The following PLD5 variants were observed in gnomAD, a reference collection of about 807,000 sequenced individuals.
PLD5 encodes phospholipase D family member 5.
A neutral mutation model predicts 61.1 loss-of-function variants in PLD5; 36 were observed. The observed-to-expected ratio is 0.59, with a 90% confidence interval of 0.45 to 0.78. The LOEUF (loss-of-function observed/expected upper bound fraction) is 0.78, where lower values mean the gene tolerates loss of function less well. Ranked by LOEUF, PLD5 falls within the 30% of genes least tolerant of loss-of-function variation. The pLI, the probability that PLD5 is intolerant of heterozygous loss-of-function variation, is 0.00. For missense variants in PLD5, 515 were observed against 644.4 expected, an observed-to-expected ratio of 0.80 and a Z score of 2.17; for synonymous variants, 243 against 242.8, an observed-to-expected ratio of 1.00 and a Z score of -0.01.
chr1:242,279,572 TCA>T (rs1674606645), intron 3 of PLD5, among the ~76,000 whole-genome samples: 1 of 151,924 alleles, frequency 6.6e-6, no homozygotes, highest in Admixed American at 6.6e-5. Flanking sequence ...TCTTGCTGTG[TCA>T]CCAGGCTGTA....
intron 3 of PLD5, among the ~76,000 whole-genome samples, chr1:242,269,278 A>T (rs1344953670): frequency 6.6e-6 from 1 of 152,232 alleles, no homozygotes; most frequent in Non-Finnish European, 1.5e-5. Flanking sequence ...AAAGACTATC[A>T]GTGTCTCAGG....
intron 1 of PLD5, among the ~76,000 whole-genome samples, chr1:242,450,140 C>T (rs919033108): frequency 2.6e-5 from 4 of 152,284 alleles, no homozygotes; most frequent in African/African-American, 9.6e-5. Flanking sequence ...ACTTTGGCCA[C>T]GTTTTATCGT....
intron 6 of PLD5, among the ~76,000 whole-genome samples, chr1:242,118,559 G>A (rs994836210): frequency 2.0e-5 from 3 of 152,202 alleles, no homozygotes; most frequent in Non-Finnish European, 4.4e-5. Context: ...ACATACTTAT[G>A]GAACGAATGT....
At chr1:242,099,574 T>C (rs1660529463) in intron 9 of PLD5, among the ~76,000 whole-genome samples, 1 of 152,208 alleles carries the variant, frequency 6.6e-6, no homozygotes, top group Non-Finnish European at 1.5e-5. Flanking sequence ...GTGGGTGAGA[T>C]GACTGGGGGC....
intron 5 of PLD5, among the ~76,000 whole-genome samples, chr1:242,127,464 T>G (rs542442305): frequency 5.6e-4 from 85 of 152,304 alleles, no homozygotes; most frequent in Non-Finnish European, 9.3e-4. Context: ...GTTGGAATAC[T>G]ACTCAGCCAT....
chr1:242,177,182 T>C (rs1017497141), intron 5 of PLD5, among the ~76,000 whole-genome samples: 3 of 152,304 alleles, frequency 2.0e-5, no homozygotes, highest in African/African-American at 2.4e-5. Flanking sequence ...CAGTGATTGA[T>C]AGACTGGATA....
chr1:242,413,414 C>T (rs988636320), intron 1 of PLD5, among the ~76,000 whole-genome samples: 2 of 151,936 alleles, frequency 1.3e-5, no homozygotes, highest in African/African-American at 4.8e-5. Context: ...TAAGTTCCAT[C>T]TCACAAGATG....
intron 1 of PLD5, among the ~76,000 whole-genome samples, chr1:242,475,949 C>A (rs1213209403): frequency 6.6e-6 from 1 of 152,168 alleles, no homozygotes; most frequent in Non-Finnish European, 1.5e-5. Flanking sequence ...CCTGCTGCCA[C>A]CTCAGTCTTG....
chr1:242,296,187 C>G (rs1675645420), intron 2 of PLD5, among the ~76,000 whole-genome samples: 1 of 152,156 alleles, frequency 6.6e-6, no homozygotes, highest in Non-Finnish European at 1.5e-5. Flanking sequence ...ATGTTGGTTG[C>G]TGATATGTCT....
At chr1:242,496,035 C>T (rs1160638766) in intron 1 of PLD5, among the ~76,000 whole-genome samples, 1 of 152,152 alleles carries the variant, frequency 6.6e-6, no homozygotes, top group Non-Finnish European at 1.5e-5. Flanking sequence ...TCAAATGTTC[C>T]CTTTTGCTTT....
chr1:242,397,400 TAC>T (rs777370831), intron 1 of PLD5, among the ~76,000 whole-genome samples: 18 of 151,722 alleles, frequency 1.2e-4, no homozygotes, highest in Non-Finnish European at 2.5e-4. Context: ...AACTTCAAAA[TAC>T]ACTCAGTATT....
rs80148038 is a variant in PLD5 at position 242,516,792 on chromosome 1, T to C, written c.189+7296A>G. On this transcript the variant is annotated intron_variant, in intron 1 of 9. Coordinates refer to ENST00000536534, the MANE Select transcript of PLD5 (RefSeq NM_001372062.1). ...TTCTTTTTAAAGATTGTCTTGGCTATTGTTGGCCCTTTGCATTGCCATATA... is the reference window on the plus strand; with the variant it reads ...TTCTTTTTAAAGATTGTCTTGGCTACTGTTGGCCCTTTGCATTGCCATATA... Among the ~76,000 whole-genome samples, 796 of 152,362 alleles carry C rather than the reference T, an allele frequency of 5.2e-3. 9 individuals are homozygous for C. The highest frequency in any genetic ancestry group is 0.018 in the African/African-American group (743 of 41,586).
intron 5 of PLD5, among the ~76,000 whole-genome samples, chr1:242,172,416 G>A (rs550997855): frequency 1.3e-5 from 2 of 152,302 alleles, no homozygotes; most frequent in South Asian, 4.1e-4. Context: ...ATGCCCATAA[G>A]AGAAAGCAGG....
At chr1:242,203,383 T>G (rs1407907383) in intron 5 of PLD5, among the ~76,000 whole-genome samples, 1 of 152,212 alleles carries the variant, frequency 6.6e-6, no homozygotes, top group East Asian at 1.9e-4. Context: ...CAACAGCAGC[T>G]GACTGCCTTG....
In PLD5 at chr1:242,086,760, A is replaced by C. The variant is rs1204066452; in HGVS notation, c.*3094T>G. On this transcript the variant is annotated 3_prime_UTR_variant, in exon 10 of 10. Coordinates refer to ENST00000536534, the MANE Select transcript of PLD5 (RefSeq NM_001372062.1). The stretch of plus-strand genomic sequence containing the variant: ...GTTTAAAATCAACACTTGAGGATAC[A>C]TAAGGCACTAAGTTAGTGTTAGTGG... 6.6e-6 allele frequency: 1 copy of C among 152,224 alleles called. No homozygotes were observed. Among genetic ancestry groups the C allele is most frequent in the Non-Finnish European group, 1.5e-5 (1 of 68,048 alleles). 9.4% of individuals were successfully genotyped at this position (152,224 alleles called of 1,614,324 possible).
At chr1:242,149,740 C>T (rs528088045) in intron 5 of PLD5, among the ~76,000 whole-genome samples, 20 of 151,592 alleles carry the variant, frequency 1.3e-4, no homozygotes, top group African/African-American at 4.8e-4. Context: ...TCTGTTTCAT[C>T]TAAATCATCA....
chr1:242,200,524 T>C lies in PLD5; in HGVS notation c.735+19464A>G, dbSNP rs113179580. On this transcript the variant is annotated intron_variant, in intron 5 of 9. Transcript: ENST00000536534. ...TCCAGTTAAAGAAGGCTCTCAGCTATGGAAGCTCTAGATTTCTGGGGTACT... is the reference window on the plus strand; with the variant it reads ...TCCAGTTAAAGAAGGCTCTCAGCTACGGAAGCTCTAGATTTCTGGGGTACT... Among the ~76,000 whole-genome samples the C allele has an allele frequency of 2.0e-3, 298 of 152,330 alleles. 3 individuals are homozygous for C. The highest frequency in any genetic ancestry group is 6.7e-3 in the African/African-American group (277 of 41,574).
At position 242,265,290 on chromosome 1, in the gene PLD5, T is replaced by C. The variant is rs544388644; in HGVS notation, c.607+47A>G. 5.7e-5 allele frequency: 90 copies of C among 1,575,388 alleles called. No homozygotes were observed. The South Asian group carries it at 1.1e-3, about 19-fold the overall frequency. ...TATTTTAAGTGAAATTAAAGGTATC[T>C]TAACAGAACACCCAGCGGTAGAATA... On this transcript the variant is annotated intron_variant, in intron 4 of 9. Coordinates refer to ENST00000536534, the MANE Select transcript of PLD5 (RefSeq NM_001372062.1).
intron 8 of PLD5, among the ~76,000 whole-genome samples, chr1:242,106,861 T>C (rs1019046541): frequency 5.9e-5 from 9 of 152,010 alleles, no homozygotes; most frequent in Non-Finnish European, 8.8e-5. Context: ...ATGAGGTGGG[T>C]AAACATGGAG....
Sources: gnomAD v4.1 joint callset for allele counts (sites outside exome capture counted in the v4.1 genomes callset) on GRCh38, gnomAD v4.1.1 for gene constraint, MANE v1.5 for transcripts, NCBI Gene and HGNC (gene_info 2026-07-23, HGNC 2026-07-21) for gene names.